ADAMTS10: variants seen among roughly 807,000 people sequenced by gnomAD.
ADAMTS10 encodes the protein ADAM metallopeptidase with thrombospondin type 1 motif 10.
ADAMTS10 carries 48 observed loss-of-function variants against 135.9 expected under a neutral mutation model. That is an observed-to-expected ratio of 0.35 (90% confidence interval 0.28 to 0.45). ADAMTS10 has a LOEUF of 0.45. ADAMTS10 is among the 20% of genes least tolerant of loss of function. ADAMTS10 has a pLI of 1.00. For synonymous variants in ADAMTS10, 621 were observed against 647.5 expected, an observed-to-expected ratio of 0.96 and a Z score of 0.62; for missense variants, 1,131 against 1,565.2, an observed-to-expected ratio of 0.72 and a Z score of 4.68.
At position 8,605,273 on chromosome 19, in the gene ADAMTS10, T is replaced by C. The variant is rs1213432094; in HGVS notation, c.174A>G (p.Pro58=). 2 of 1,612,034 alleles carry C rather than the reference T, an allele frequency of 1.2e-6. No individual in the cohort carries two copies. The highest frequency in any genetic ancestry group is 4.5e-5 in the East Asian group (2 of 44,810). The change falls in exon 4 of 26, where the codon CCA becomes CCG. Residue 58 remains proline, a synonymous_variant. Transcript: ENST00000597188. The surrounding 1 kb of genome is among the most constrained non-coding windows in gnomAD (Gnocchi z 7.7). Reference sequence around the variant, plus strand: ...CGCGGCGCTGCCTCCGGGGAGGAGGTGGCGAGAAGGCCAGCAGTGCCCCGT... The same window carrying C: ...CGCGGCGCTGCCTCCGGGGAGGAGGCGGCGAGAAGGCCAGCAGTGCCCCGT... ...DHNGALLAFS[P]PPPRRQRRGT... is the part of the protein sequence containing the mutation.
At position 8,595,723 on chromosome 19, in the gene ADAMTS10, C is replaced by T. The variant is rs781979915; in HGVS notation, c.1479+39G>A. Reference sequence around the variant, plus strand: ...TCCCTCCCCCAGCCCCAGCGGCCCCCTCCCCTCCCAGGAAGGAAAGCAGGA... The same window carrying T: ...TCCCTCCCCCAGCCCCAGCGGCCCCTTCCCCTCCCAGGAAGGAAAGCAGGA... On this transcript the variant is annotated intron_variant, in intron 12 of 25. Coordinates refer to ENST00000597188, the MANE Select transcript of ADAMTS10 (RefSeq NM_030957.4). The T allele has an allele frequency of 1.1e-5, 18 of 1,579,822 alleles. No individual in the cohort carries two copies. The East Asian group carries it at 2.8e-4, about 25-fold the overall frequency.
At chr19:8,606,910 A>C (rs1173817442) in intron 2 of ADAMTS10, among the ~76,000 whole-genome samples, 3 of 152,120 alleles carry the variant, frequency 2.0e-5, no homozygotes, top group Non-Finnish European at 4.4e-5. Context: ...TGTTCTCTAG[A>C]AGGTATCAAT....
In ADAMTS10 at chr19:8,585,447, G is replaced by C; in HGVS notation, c.2865+9C>G. The C allele has an allele frequency of 6.5e-7, 1 of 1,537,272 alleles. No individual in the cohort carries two copies. Among genetic ancestry groups the C allele is most frequent in the Non-Finnish European group, 8.8e-7 (1 of 1,141,752 alleles). On this transcript the variant is annotated intron_variant, in intron 23 of 25. Coordinates refer to ENST00000597188, the MANE Select transcript of ADAMTS10 (RefSeq NM_030957.4). The stretch of plus-strand genomic sequence containing the variant: ...ATCCCAGTGGGCGCGAAGGAAGGGG[G>C]CGGCTGACCTCAGACCAGTCGAGGG...
Position 8,601,185 on chromosome 19 carries a change from G to A in ADAMTS10, c.593-40C>T. ...AGAGCAATTAAGCCCTGCCCTGCTG[G>A]TGGGACGCAGAGCTGCCTGACAACT... On this transcript the variant is annotated intron_variant, in intron 5 of 25. Transcript: ENST00000597188. This position sits in a 1 kb window ranked among gnomAD's most constrained non-coding sequence, Gnocchi z 4.6. 1 of 1,600,868 alleles carries A rather than the reference G, an allele frequency of 6.2e-7. No individual in the cohort carries two copies. The highest frequency in any genetic ancestry group is 8.5e-7 in the Non-Finnish European group (1 of 1,174,562).
At chr19:8,584,835 C>T in intron 25 of ADAMTS10, 60 bp downstream of exon 25, 2 of 1,543,380 alleles carry the variant, frequency 1.3e-6, no homozygotes, top group Non-Finnish European at 1.7e-6. Flanking sequence ...CCCCCAATGC[C>T]CTCTGTGGCT....
Position 8,592,749 on chromosome 19 carries a change from T to C in ADAMTS10, c.1587+14A>G, listed in dbSNP as rs782155127. ...GGGGGCGTGGCCCAGTTGGGGGCCC[T>C]GGCCGGCGCTCACCCCCTTGTCGAT... On this transcript the variant is annotated intron_variant, in intron 13 of 25. Coordinates refer to ENST00000597188, the MANE Select transcript of ADAMTS10 (RefSeq NM_030957.4). 1.2e-6 allele frequency: 2 copies of C among 1,605,868 alleles called. No individual in the cohort carries two copies. Among genetic ancestry groups the C allele is most frequent in the Middle Eastern group, 1.7e-4 (1 of 6,026 alleles).
Position 8,596,529 on chromosome 19 carries a change from G to T in ADAMTS10, c.1084+13C>A. The stretch of plus-strand genomic sequence containing the variant: ...GCCTTCATAGGCGCCTGAAACCTAC[G>T]GGGCTCGGGTACCTAGTGTGCCGCA... On this transcript the variant is annotated intron_variant, in intron 9 of 25. Transcript: ENST00000597188. This position sits in a 1 kb window ranked among gnomAD's most constrained non-coding sequence, Gnocchi z 7.2. 1.2e-6 allele frequency: 2 copies of T among 1,613,988 alleles called. No individual in the cohort carries two copies. The highest frequency in any genetic ancestry group is 1.3e-5 in the African/African-American group (1 of 75,026).
intron 7 of ADAMTS10, 44 bp from the exon 8 acceptor site, chr19:8,597,176 G>C: frequency 4.3e-6 from 7 of 1,614,160 alleles, no homozygotes; most frequent in Non-Finnish European, 5.9e-6. Flanking sequence ...CACCACCCAG[G>C]GGACGGCAGG....
At chr19:8,600,700 G>T (rs139053758) in intron 6 of ADAMTS10, among the ~76,000 whole-genome samples, 8 of 151,824 alleles carry the variant, frequency 5.3e-5, no homozygotes, top group Non-Finnish European at 8.8e-5. Flanking sequence ...GGGTTTCACC[G>T]TGTTAGCCAG....
chr19:8,587,432 C>T (rs775002913), intron 18 of ADAMTS10, among the ~76,000 whole-genome samples: 2 of 142,386 alleles, frequency 1.4e-5, no homozygotes, highest in Non-Finnish European at 1.5e-5. Context: ...TTGCCTCAGC[C>T]TCCCAAAGTG....
At chr19:8,604,942 T>G in intron 4 of ADAMTS10, 70 bp downstream of exon 4, 1 of 1,462,266 alleles carries the variant, frequency 6.8e-7, no homozygotes, top group East Asian at 2.5e-5. Context: ...CTGCCCTCTA[T>G]GTAGAAGTGT....
chr19:8,585,240 G>T lies in ADAMTS10; in HGVS notation c.2934C>A (p.Ala978=). ...VVLCKSADHR[A]TLPPAHCSPA... Reference sequence around the variant, plus strand: ...GTGAGCAGTGCGCCGGGGGCAGCGTGGCGCGGTGGTCTGCGCTCTTGCAAA... The same window carrying T: ...GTGAGCAGTGCGCCGGGGGCAGCGTTGCGCGGTGGTCTGCGCTCTTGCAAA... Residue 978 remains alanine (A), a synonymous_variant, in exon 24 of 26, where the codon GCC becomes GCA. Transcript: ENST00000597188. 2.0e-6 allele frequency: 3 copies of T among 1,467,084 alleles called. No homozygotes were observed. The highest frequency in any genetic ancestry group is 2.7e-6 in the Non-Finnish European group (3 of 1,107,726). 90.9% of individuals were successfully genotyped at this position (1,467,084 alleles called of 1,614,324 possible). A position where few individuals can be genotyped will look rare whatever the true frequency, so the allele number is the denominator to read the frequency against.
intron 5 of ADAMTS10, 44 bp downstream of exon 5, chr19:8,603,684 G>T: frequency 6.2e-7 from 1 of 1,612,796 alleles, no homozygotes; most frequent in Non-Finnish European, 8.5e-7. Context: ...TCAAGGGAAA[G>T]ATACTGTGTA....
At chr19:8,589,836 C>T in intron 16 of ADAMTS10, 53 bp downstream of exon 16, 2 of 1,554,848 alleles carry the variant, frequency 1.3e-6, no homozygotes, top group Non-Finnish European at 1.8e-6. Context: ...TGCTGCTGGA[C>T]ACTCCCACGG....
rs1444076218 is a variant in ADAMTS10 at position 8,605,918 on chromosome 19, T to C, written c.-99-109A>G. The stretch of plus-strand genomic sequence containing the variant: ...TTCACCTGACTCTGAAGATTCTGAA[T>C]GCATTTTCTCACTCAGTCACTCCCC... On this transcript the variant is annotated intron_variant, in intron 2 of 25. Transcript: ENST00000597188. The surrounding 1 kb of genome is among the most constrained non-coding windows in gnomAD (Gnocchi z 7.7). The C allele has an allele frequency of 8.2e-6, 9 of 1,103,450 alleles. No homozygotes were observed. The East Asian group carries it at 2.1e-4, about 26-fold the overall frequency. 68.4% of individuals were successfully genotyped at this position (1,103,450 alleles called of 1,614,324 possible).
Position 8,585,510 on chromosome 19 carries a change from CT to C in ADAMTS10, c.2810del (p.Glu937GlyfsTer136). On this transcript the variant is annotated frameshift_variant, in exon 23 of 26. Transcript: ENST00000597188. LOFTEE classifies it high-confidence loss of function. ...ACPQPRPPVL[E>X]ACHGPTCPPE... ...GAGGGCAAGTGGGGCCGTGGCAGGC[CT>C]CCAGTACAGGTGGGCGCGGCTGCGG... 6.4e-7 allele frequency: 1 copy of C among 1,550,554 alleles called. No individual in the cohort carries two copies. Among genetic ancestry groups the C allele is most frequent in the Non-Finnish European group, 8.7e-7 (1 of 1,146,952 alleles).
At position 8,601,467 on chromosome 19, in the gene ADAMTS10, T is replaced by C. The variant is rs1349063191; in HGVS notation, c.593-322A>G. 2.0e-5 allele frequency among the ~76,000 whole-genome samples: 3 copies of C among 151,814 alleles called. No individual in the cohort carries two copies. The highest frequency in any genetic ancestry group is 7.3e-5 in the African/African-American group (3 of 41,320). On this transcript the variant is annotated intron_variant, in intron 5 of 25. Coordinates refer to ENST00000597188, the MANE Select transcript of ADAMTS10 (RefSeq NM_030957.4). The surrounding 1 kb of genome is among the most constrained non-coding windows in gnomAD (Gnocchi z 4.6). ...ACCTCTGCCTCCCAGGTTCAAGCGA[T>C]TCTCCTGCCTCAGCCTCCCGAGTAG...
At chr19:8,589,198 C>T (rs1443132918) in intron 18 of ADAMTS10, 44 bp downstream of exon 18, 6 of 1,610,456 alleles carry the variant, frequency 3.7e-6, no homozygotes, top group Non-Finnish European at 5.1e-6. Context: ...CTGCAGTCAG[C>T]TGGCCCATGC....
intron 6 of ADAMTS10, among the ~76,000 whole-genome samples, chr19:8,597,795 T>C (rs2042622351): frequency 6.6e-6 from 1 of 152,052 alleles, no homozygotes; most frequent in Non-Finnish European, 1.5e-5. Context: ...CGCACATCAC[T>C]ATGCCCACTT....
Sources: allele counts gnomAD v4.1 joint callset (sites outside exome capture counted in the v4.1 genomes callset), GRCh38; gene constraint gnomAD v4.1.1; non-coding constraint Gnocchi (gnomAD v3.1); transcripts MANE v1.5; gene names NCBI Gene and HGNC (gene_info 2026-07-23, HGNC 2026-07-21).